The following CACNB1 variants were observed in gnomAD, a reference collection of about 807,000 sequenced individuals.
CACNB1 encodes voltage-dependent L-type calcium channel subunit beta-1.
In CACNB1, 29 loss-of-function variants were observed where a neutral mutation model predicts 71.6. That is an observed-to-expected ratio of 0.40 (90% confidence interval 0.30 to 0.55). The LOEUF is 0.55. Among genes scored for constraint, CACNB1 ranks in the 20% least tolerant of loss-of-function variants. The pLI, the probability that CACNB1 is intolerant of heterozygous loss-of-function variation, is 0.38. For missense variants in CACNB1, 623 were observed against 801.8 expected (o/e 0.78, Z 2.69); for synonymous variants, 300 against 319.6 (o/e 0.94, Z 0.65).
chr17:39,189,648 G>A (rs1378399082), intron 3 of CACNB1, among the ~76,000 whole-genome samples: 8 of 151,074 alleles, frequency 5.3e-5, no homozygotes, highest in East Asian at 2.1e-4. Context: ...ACAGGCATGC[G>A]CCATCACACC....
chr17:39,178,437 G>T (rs1373628006), intron 11 of CACNB1, among the ~76,000 whole-genome samples: 1 of 149,072 alleles, frequency 6.7e-6, no homozygotes, highest in Non-Finnish European at 1.5e-5. Context: ...CACCCAGGCT[G>T]AAGTGCAGTG....
chr17:39,181,766 C>T (rs1434750747), intron 11 of CACNB1, among the ~76,000 whole-genome samples: 1 of 152,078 alleles, frequency 6.6e-6, no homozygotes, highest in African/African-American at 2.4e-5. Flanking sequence ...CCTGTAATCC[C>T]AGCACTTAGG....
Position 39,194,757 on chromosome 17 carries a change from G to T in CACNB1, c.171+127C>A. On this transcript the variant is annotated intron_variant, in intron 2 of 13. Coordinates refer to ENST00000394303, the MANE Select transcript of CACNB1 (RefSeq NM_000723.5). The surrounding 1 kb of genome is among the most constrained non-coding windows in gnomAD (Gnocchi z 4.6). ...GAGGTCATGGGGTGTCAGGGTGATG[G>T]GGTGGCTCCAGGCAGGTGACAAATG... 1 of 642,678 alleles carries T rather than the reference G, an allele frequency of 1.6e-6. No homozygotes were observed. Among genetic ancestry groups the T allele is most frequent in the Admixed American group, 2.7e-5 (1 of 37,054 alleles). 39.8% of individuals were successfully genotyped at this position (642,678 alleles called of 1,614,324 possible).
At position 39,186,271 on chromosome 17, in the gene CACNB1, G is replaced by C. The variant is rs1052175402; in HGVS notation, c.628+225C>G. Among the ~76,000 whole-genome samples the C allele has an allele frequency of 2.0e-5, 3 of 152,078 alleles. No homozygotes were observed. Among genetic ancestry groups the C allele is most frequent in the Non-Finnish European group, 2.9e-5 (2 of 68,008 alleles). ...GAGAAATGAATGGGGGCAGGGCAGGGGAATCAGGCAGAGAGATGGAGCTAC... is the reference window on the plus strand; with the variant it reads ...GAGAAATGAATGGGGGCAGGGCAGGCGAATCAGGCAGAGAGATGGAGCTAC... On this transcript the variant is annotated intron_variant, in intron 6 of 13. Transcript: ENST00000394303. This position sits in a 1 kb window ranked among gnomAD's most constrained non-coding sequence, Gnocchi z 4.1.
intron 11 of CACNB1, 108 bp downstream of exon 11, chr17:39,183,605 C>G: frequency 1.1e-6 from 1 of 926,302 alleles, no homozygotes; most frequent in Non-Finnish European, 1.6e-6. Flanking sequence ...GAAACTAAGA[C>G]TCAGGCAGAT....
rs1486876683 is a variant in CACNB1, at chr17:39,197,401, C to A, written c.84+11G>T. Reference sequence around the variant, plus strand: ...GACCCCCTCCCGTTGGGCCGGGCCACCACGCCTCACCTGCGGGCTGGGGTC... The same window carrying A: ...GACCCCCTCCCGTTGGGCCGGGCCAACACGCCTCACCTGCGGGCTGGGGTC... On this transcript the variant is annotated intron_variant, in intron 1 of 13. Coordinates refer to ENST00000394303, the MANE Select transcript of CACNB1 (RefSeq NM_000723.5). 6.9e-7 allele frequency: 1 copy of A among 1,446,500 alleles called. No homozygotes were observed. The highest frequency in any genetic ancestry group is 9.1e-7 in the Non-Finnish European group (1 of 1,100,996). 89.6% of individuals were successfully genotyped at this position (1,446,500 alleles called of 1,614,324 possible). A position where few individuals can be genotyped will look rare whatever the true frequency, so the allele number is the denominator to read the frequency against.
intron 7 of CACNB1, 118 bp downstream of exon 7, chr17:39,185,013 C>T: frequency 9.4e-7 from 1 of 1,061,050 alleles, no homozygotes; most frequent in South Asian, 1.3e-5. Context: ...GAGGGATGGC[C>T]AGGGAGAACC....
chr17:39,178,174 G>GT (rs200040112), intron 11 of CACNB1, 95 bp from the exon 12 acceptor site: 84,923 of 906,294 alleles, frequency 0.094, 4,373 homozygotes, highest in Non-Finnish European at 0.1. Context: ...AGCATGGAGA[G>GT]CCAGTGTCAA....
chr17:39,188,927 TG>T, intron 3 of CACNB1, among the ~76,000 whole-genome samples: 1 of 151,796 alleles, frequency 6.6e-6, no homozygotes, highest in South Asian at 2.1e-4. Flanking sequence ...CCTGTAATCT[TG>T]GCTACTTGGG....
intron 2 of CACNB1, chr17:39,193,751 A>G (rs1296377584): frequency 1.9e-5 from 4 of 213,068 alleles, no homozygotes; most frequent in Non-Finnish European, 3.9e-5. Flanking sequence ...TTCTGCCAAG[A>G]GGGGCAATAA....
At chr17:39,195,866 A>G (rs2046191405) in intron 1 of CACNB1, among the ~76,000 whole-genome samples, 1 of 152,082 alleles carries the variant, frequency 6.6e-6, no homozygotes, top group Non-Finnish European at 1.5e-5. Flanking sequence ...AGCCCCACAG[A>G]TCTCTAGGGG....
In CACNB1 at chr17:39,178,015, G is replaced by A. The variant is rs763467795; in HGVS notation, c.1115C>T (p.Ala372Val). The change falls in exon 12 of 14, where the codon GCG becomes GTG. Residue 372 changes from alanine to valine, a missense_variant. Physicochemically the swap from Ala to Val is moderately conservative, Grantham distance 64 (BLOSUM62 0). Transcript: ENST00000394303. ...GCACTGTGCCAGCTTTTCCGAGGCC[G>A]CTATTTGGACATTGAGGTGTTTGGA... is the stretch of plus-strand genomic sequence containing the variant. ...SQSKHLNVQI[A>V]ASEKLAQCPP... 23 of 1,613,840 alleles carry A rather than the reference G, an allele frequency of 1.4e-5. No homozygotes were observed. The highest frequency in any genetic ancestry group is 1.3e-4 in the South Asian group (12 of 91,082).
chr17:39,177,311 G>A (rs2045606418), intron 13 of CACNB1, 39 bp downstream of exon 13: 1 of 1,611,858 alleles, frequency 6.2e-7, no homozygotes, highest in African/African-American at 1.3e-5. Flanking sequence ...GCCCGCCCCA[G>A]AAGCCGAGGT....
intron 2 of CACNB1, chr17:39,193,814 G>A (rs2144179132): frequency 5.5e-6 from 1 of 181,708 alleles, no homozygotes; most frequent in East Asian, 1.8e-4. Context: ...CAGGAGGGAT[G>A]AGGGGGTGAT....
intron 2 of CACNB1, chr17:39,192,692 C>T (rs1331439764): frequency 6.6e-6 from 1 of 152,314 alleles, no homozygotes; most frequent in African/African-American, 2.4e-5. Flanking sequence ...GGGTTCTTTC[C>T]TGAGGGCAGA....
intron 3 of CACNB1, 109 bp downstream of exon 3, chr17:39,191,365 C>A (rs2046076171): frequency 9.1e-7 from 1 of 1,094,856 alleles, no homozygotes; most frequent in Admixed American, 2.6e-5. Context: ...TTCAGGGGTA[C>A]TAGGAAGTGG....
intron 1 of CACNB1, among the ~76,000 whole-genome samples, chr17:39,196,354 TG>T (rs1190979422): frequency 6.6e-6 from 1 of 152,026 alleles, no homozygotes; most frequent in Non-Finnish European, 1.5e-5. Context: ...ACTGCCAGGC[TG>T]GGCAAAGGGA....
Position 39,185,213 on chromosome 17 carries a change from G to A in CACNB1, c.629-63C>T, listed in dbSNP as rs369814120. ...AGAGAGGGAAGGGGACCCAGGCAGG[G>A]GCAGAGGGCAAGGCAGGAGCCAGGA... is the stretch of plus-strand genomic sequence containing the variant. On this transcript the variant is annotated intron_variant, in intron 6 of 13. Transcript: ENST00000394303. The A allele has an allele frequency of 2.7e-4, 365 of 1,327,760 alleles. 2 individuals are homozygous for A. The East Asian group carries it at 3.5e-3, about 13-fold the overall frequency. 82.2% of individuals were successfully genotyped at this position (1,327,760 alleles called of 1,614,324 possible).
Position 39,184,120 on chromosome 17 carries a change from G to A in CACNB1, c.809C>T (p.Thr270Met), listed in dbSNP as rs147889821. 6.8e-5 allele frequency: 110 copies of A among 1,611,492 alleles called. 1 individual carries two copies. Among genetic ancestry groups the A allele is most frequent in the African/African-American group, 2.7e-4 (20 of 74,946 alleles). Residue 270 changes from threonine (T) to methionine (M), a missense_variant, in exon 10 of 14, where the codon ACG becomes ATG. Thr to Met is a moderately conservative substitution (Grantham distance 81, BLOSUM62 -1). Coordinates refer to ENST00000394303, the MANE Select transcript of CACNB1 (RefSeq NM_000723.5). ...GCGCTTAGCCAGGGAAATATCTGCC[G>A]TCACACGAGTGATGGAGATCCTGGG... Reference protein sequence around the residue: ...FDGRISITRVTADISLAKRSV... With the variant: ...FDGRISITRVMADISLAKRSV...
Sources: gnomAD v4.1 joint callset for allele counts (sites outside exome capture counted in the v4.1 genomes callset) on GRCh38, gnomAD v4.1.1 for gene constraint, Gnocchi (gnomAD v3.1) non-coding constraint, MANE v1.5 for transcripts, NCBI Gene and HGNC (gene_info 2026-07-23, HGNC 2026-07-21) for gene names.